Variants in ELOVL4 observed in about 807,000 individuals in gnomAD.
The protein encoded by ELOVL4 is very long chain fatty acid elongase 4.
ELOVL4 carries 18 observed loss-of-function variants against 42.1 expected under a neutral mutation model. The observed-to-expected ratio is 0.43, with a 90% CI of 0.30 to 0.63. The LOEUF is 0.63. ELOVL4 is among the 30% of genes least tolerant of loss of function. The probability of loss-of-function intolerance (pLI) is 0.15; values close to 1 mark genes in which losing one functional copy is unlikely to be tolerated. For missense variants in ELOVL4, 299 were observed against 376.2 expected (o/e 0.79, Z 1.70); for synonymous variants, 117 against 127.0 (o/e 0.92, Z 0.53).
chr6:79,928,123 AG>A (rs1317245819), intron 1 of ELOVL4, among the ~76,000 whole-genome samples: 1 of 152,170 alleles, frequency 6.6e-6, no homozygotes, highest in Non-Finnish European at 1.5e-5. Context: ...AGAAAAAAAA[AG>A]ATTTAGACAA....
At position 79,926,260 on chromosome 6, in the gene ELOVL4, C is replaced by T; in HGVS notation, c.222G>A (p.Gln74=). The change falls in exon 2 of 6, where the codon CAG becomes CAA. Residue 74 remains glutamine, a synonymous_variant. Transcript: ENST00000369816. ...PKWMKDREPF[Q]MRLVLIIYNF... is the part of the protein sequence containing the mutation. ...TATAGATAATGAGCACTAGACGCAT[C>T]TGAAAAGGTTCTCGGTCCTTCATCC... 6.2e-7 allele frequency: 1 copy of T among 1,613,988 alleles called. No homozygotes were observed. Among genetic ancestry groups the T allele is most frequent in the Admixed American group, 1.7e-5 (1 of 60,008 alleles).
At chr6:79,935,811 A>G (rs188764499) in intron 1 of ELOVL4, among the ~76,000 whole-genome samples, 1 of 152,284 alleles carries the variant, frequency 6.6e-6, no homozygotes, top group South Asian at 2.1e-4. Flanking sequence ...TTCTTTTTCC[A>G]TAACAGTACA....
chr6:79,921,964 G>A (rs1277234763), intron 3 of ELOVL4, among the ~76,000 whole-genome samples, 168 bp from the exon 4 acceptor site: 1 of 152,092 alleles, frequency 6.6e-6, no homozygotes, highest in Non-Finnish European at 1.5e-5. Flanking sequence ...CTCTCCATGG[G>A]GAAAAATAGA....
intron 3 of ELOVL4, 81 bp downstream of exon 3, chr6:79,924,871 G>A: frequency 2.2e-6 from 2 of 892,380 alleles, no homozygotes; most frequent in Non-Finnish European, 3.7e-6. Context: ...TTAAAAAAAA[G>A]TACATTCTAT....
chr6:79,919,344 A>G, intron 5 of ELOVL4, 76 bp downstream of exon 5: 2 of 1,519,892 alleles, frequency 1.3e-6, no homozygotes, highest in South Asian at 1.1e-5. Flanking sequence ...CTAAAATGAC[A>G]TTGCACTTTA....
intron 1 of ELOVL4, 148 bp from the exon 2 acceptor site, chr6:79,926,529 G>A (rs1012685467): frequency 1.3e-6 from 1 of 775,892 alleles, no homozygotes; most frequent in Non-Finnish European, 2.0e-6. Flanking sequence ...AAAATACATG[G>A]TATAAAAACC....
chr6:79,917,979 G>A (rs1774189258), intron 5 of ELOVL4, among the ~76,000 whole-genome samples: 1 of 152,054 alleles, frequency 6.6e-6, no homozygotes, highest in Non-Finnish European at 1.5e-5. Context: ...AAAAGAATGG[G>A]TCAAGACATA....
chr6:79,946,381 T>C lies in ELOVL4; in HGVS notation c.100+799A>G, dbSNP rs74520227. Among the ~76,000 whole-genome samples, 105 of 149,832 alleles carry C rather than the reference T, an allele frequency of 7.0e-4. 2 individuals carry two copies. In the East Asian group the frequency reaches 0.019, roughly 27 times the overall value. On this transcript the variant is annotated intron_variant, in intron 1 of 5. Transcript: ENST00000369816. ...CAATTGACAGCCCTGCCAAATTAAC[T>C]GCAACAGCTAAAGAAAAGTTTGCTG... is the stretch of plus-strand genomic sequence containing the variant.
At position 79,925,002 on chromosome 6, in the gene ELOVL4, T is replaced by C; in HGVS notation, c.319A>G (p.Ser107Gly). 1 of 1,607,452 alleles carries C rather than the reference T, an allele frequency of 6.2e-7. No individual in the cohort carries two copies. The highest frequency in any genetic ancestry group is 1.1e-5 in the South Asian group (1 of 90,952). Reference sequence around the variant, plus strand: ...TAATCCACACTCTGGCAAATATAGCTATATCCCGCATTATATGATCCCATG... The same window carrying C: ...TAATCCACACTCTGGCAAATATAGCCATATCCCGCATTATATGATCCCATG... ...LFMGSYNAGYSYICQSVDYSN... is the reference protein window; with the variant it reads ...LFMGSYNAGYGYICQSVDYSN... The change falls in exon 3 of 6, where the codon AGC (serine) becomes GGC (glycine). Residue 107 changes from serine to glycine, a missense_variant. Coordinates refer to ENST00000369816, the MANE Select transcript of ELOVL4 (RefSeq NM_022726.4).
chr6:79,943,461 G>T (rs541137033), intron 1 of ELOVL4, among the ~76,000 whole-genome samples: 10 of 152,260 alleles, frequency 6.6e-5, no homozygotes, highest in Non-Finnish European at 1.5e-5. Context: ...TCATTCAAGG[G>T]TAGAGGGAAG....
intron 1 of ELOVL4, among the ~76,000 whole-genome samples, chr6:79,927,964 G>A (rs773381070): frequency 1.6e-4 from 25 of 152,086 alleles, no homozygotes; most frequent in African/African-American, 4.3e-4. Flanking sequence ...GTTGTGCCAC[G>A]AAGGTCTTAT....
intron 1 of ELOVL4, among the ~76,000 whole-genome samples, chr6:79,931,152 ATTTG>A (rs963319321): frequency 9.6e-4 from 146 of 152,220 alleles, no homozygotes; most frequent in African/African-American, 3.4e-3. Flanking sequence ...AAATTATCAA[ATTTG>A]TTTATCAAAT....
rs539142746 is a variant in ELOVL4 at position 79,947,531 on chromosome 6, C to G, written c.-252G>C. 2 of 524,392 alleles carry G rather than the reference C, an allele frequency of 3.8e-6. No individual in the cohort carries two copies. The highest frequency in any genetic ancestry group is 3.2e-5 in the Admixed American group (1 of 31,744). The allele number at this position is 524,392 out of a possible 1,614,324, so 32.5% of individuals were successfully genotyped here. A position where few individuals can be genotyped will look rare whatever the true frequency, so the allele number is the denominator to read the frequency against. ...GAGGTGGAGGAGGCCCAGCCGCCAG[C>G]ACAGTGCGCTGCACCAGTCTGCAGC... On this transcript the variant is annotated 5_prime_UTR_variant, in exon 1 of 6. Coordinates refer to ENST00000369816, the MANE Select transcript of ELOVL4 (RefSeq NM_022726.4).
At chr6:79,939,980 G>A (rs143165725) in intron 1 of ELOVL4, among the ~76,000 whole-genome samples, 57 of 152,198 alleles carry the variant, frequency 3.7e-4, no homozygotes, top group African/African-American at 1.3e-3. Context: ...TATATACCAC[G>A]TTGCGTTTAT....
Position 79,919,793 on chromosome 6 carries a change from T to C in ELOVL4, c.542-246A>G, listed in dbSNP as rs559743791. The stretch of plus-strand genomic sequence containing the variant: ...ATGTATGTTCAAATGCAAAGGACTT[T>C]CACAGTTGTAGGTTTTCAAATGGAG... On this transcript the variant is annotated intron_variant, in intron 4 of 5. Transcript: ENST00000369816. 3.9e-5 allele frequency among the ~76,000 whole-genome samples: 6 copies of C among 152,296 alleles called. No homozygotes were observed. The East Asian group carries it at 1.2e-3, about 29-fold the overall frequency.
intron 1 of ELOVL4, among the ~76,000 whole-genome samples, chr6:79,946,685 G>T (rs1256444898): frequency 6.6e-6 from 1 of 152,250 alleles, no homozygotes; most frequent in East Asian, 1.9e-4. Context: ...TAGAAGAAAA[G>T]ATTAGCAGGG....
intron 1 of ELOVL4, among the ~76,000 whole-genome samples, chr6:79,934,074 G>A (rs1192213040): frequency 6.6e-6 from 1 of 152,170 alleles, no homozygotes; most frequent in East Asian, 1.9e-4. Flanking sequence ...GCTACTTTTG[G>A]GACAGCTAGG....
intron 1 of ELOVL4, among the ~76,000 whole-genome samples, chr6:79,946,371 C>A (rs1774741044): frequency 6.6e-6 from 1 of 151,290 alleles, no homozygotes. Context: ...GACAGCCCTG[C>A]CAAATTAACT....
At chr6:79,947,130 G>T in intron 1 of ELOVL4, 50 bp downstream of exon 1, 1 of 1,477,108 alleles carries the variant, frequency 6.8e-7, no homozygotes. Context: ...CCAGGGGCCG[G>T]TGACCCCCCG....
Sources: allele counts gnomAD v4.1 joint callset (sites outside exome capture counted in the v4.1 genomes callset), GRCh38; gene constraint gnomAD v4.1.1; transcripts MANE v1.5; gene names NCBI Gene and HGNC (gene_info 2026-07-23, HGNC 2026-07-21).